The following C12orf42 variants were observed in gnomAD, a reference collection of about 807,000 sequenced individuals.
The protein encoded by C12orf42 is uncharacterized protein C12orf42.
In C12orf42, 25 loss-of-function variants were observed where a neutral mutation model predicts 21.6. The ratio of observed to expected loss-of-function variants is 1.16; its 90% CI spans 0.84 to 1.62. C12orf42 has a LOEUF of 1.62. Among genes scored for constraint, C12orf42 ranks in the 40% most tolerant of loss-of-function variants. The pLI, the probability that C12orf42 is intolerant of heterozygous loss-of-function variation, is 0.00. For synonymous variants in C12orf42, 174 were observed against 175.0 expected (o/e 0.99, Z 0.05); for missense variants, 483 against 459.3 (o/e 1.05, Z -0.47).
At chr12:103,534,636 T>C in the C12orf42 span, among the ~76,000 whole-genome samples, 2 of 152,092 alleles carry the variant, frequency 1.3e-5, no homozygotes, top group South Asian at 2.1e-4. Context: ...TACCGTATGA[T>C]TGGAGAAAAT....
intron 3 of C12orf42, among the ~76,000 whole-genome samples, chr12:103,385,403 C>T (rs897647361): frequency 6.6e-6 from 1 of 152,162 alleles, no homozygotes; most frequent in African/African-American, 2.4e-5. Flanking sequence ...TAAACACCTG[C>T]ATCTCATCAC....
chr12:103,283,124 A>T (rs2036234513), intron 4 of C12orf42, among the ~76,000 whole-genome samples: 1 of 152,166 alleles, frequency 6.6e-6, no homozygotes, highest in Non-Finnish European at 1.5e-5. Context: ...CTATTTTTTC[A>T]TATAAAACAA....
downstream of C12orf42, among the ~76,000 whole-genome samples, chr12:103,299,060 T>C (rs10860979): frequency 0.083 from 12,599 of 152,234 alleles, 517 homozygotes; most frequent in East Asian, 0.18. Flanking sequence ...CCGCAGGGTA[T>C]AAAAACTGAT....
At chr12:103,091,386 T>TAA in the C12orf42 span, among the ~76,000 whole-genome samples, 8 of 141,962 alleles carry the variant, frequency 5.6e-5, no homozygotes, top group African/African-American at 2.0e-4. Context: ...TTGCCTCAAA[T>TAA]AAAAAAAAAA....
chr12:103,315,931 C>T (rs935728529), intron 4 of C12orf42, among the ~76,000 whole-genome samples: 5 of 151,494 alleles, frequency 3.3e-5, no homozygotes, highest in Non-Finnish European at 5.9e-5. Flanking sequence ...TGGGGCCATT[C>T]CACAGGTATA....
chr12:103,443,651 A>G (rs1042997320), intron 2 of C12orf42, among the ~76,000 whole-genome samples: 2 of 152,130 alleles, frequency 1.3e-5, no homozygotes, highest in Non-Finnish European at 2.9e-5. Context: ...CAAACAAAAC[A>G]TATCTGTAAT....
chr12:103,472,164 C>G (rs1953675712), intron 2 of C12orf42, among the ~76,000 whole-genome samples: 1 of 144,584 alleles, frequency 6.9e-6, no homozygotes, highest in Non-Finnish European at 1.5e-5. Flanking sequence ...ACGCCATTCT[C>G]CTGCCTCAGC....
intron 4 of C12orf42, among the ~76,000 whole-genome samples, chr12:103,310,628 C>T (rs1217233220): frequency 3.9e-5 from 6 of 152,140 alleles, no homozygotes; most frequent in Non-Finnish European, 8.8e-5. Flanking sequence ...GAATCTTCAC[C>T]CCAGAACATG....
At chr12:103,433,572 A>G (rs185726434) in intron 2 of C12orf42, among the ~76,000 whole-genome samples, 224 of 152,366 alleles carry the variant, frequency 1.5e-3, no homozygotes, top group African/African-American at 5.1e-3. Context: ...ATGACAGGGA[A>G]TAGAAGAACA....
At chr12:103,061,143 T>G in the C12orf42 span, among the ~76,000 whole-genome samples, 1 of 152,192 alleles carries the variant, frequency 6.6e-6, no homozygotes, top group African/African-American at 2.4e-5. Flanking sequence ...CCTCTATTGA[T>G]ACCTTTTTGG....
the C12orf42 span, among the ~76,000 whole-genome samples, chr12:103,214,672 A>G: frequency 1.3e-5 from 2 of 152,344 alleles, no homozygotes; most frequent in South Asian, 4.1e-4. Flanking sequence ...AAACATCTCC[A>G]TTGCCCTTAT....
At chr12:103,074,378 A>G in the C12orf42 span, among the ~76,000 whole-genome samples, 1 of 152,190 alleles carries the variant, frequency 6.6e-6, no homozygotes, top group Non-Finnish European at 1.5e-5. Flanking sequence ...CATGGAGTAG[A>G]GTAGATAGCT....
the C12orf42 span, among the ~76,000 whole-genome samples, chr12:103,073,022 T>G: frequency 1.1e-4 from 17 of 152,278 alleles, no homozygotes; most frequent in Admixed American, 3.3e-4. Context: ...GATTATGTCC[T>G]TTGCCAGGAC....
the C12orf42 span, among the ~76,000 whole-genome samples, chr12:103,519,434 T>C: frequency 2.6e-5 from 4 of 152,182 alleles, no homozygotes; most frequent in Admixed American, 2.0e-4. Context: ...TCAATAGATA[T>C]GTTTTTACTG....
the C12orf42 span, among the ~76,000 whole-genome samples, chr12:103,108,922 T>A: frequency 6.6e-6 from 1 of 152,138 alleles, no homozygotes; most frequent in African/African-American, 2.4e-5. Context: ...TCGATAAAAT[T>A]ATAAAATTTT....
chr12:103,542,895 C>T, the C12orf42 span, among the ~76,000 whole-genome samples: 1 of 152,306 alleles, frequency 6.6e-6, no homozygotes, highest in East Asian at 1.9e-4. Flanking sequence ...GAGAAAGACA[C>T]TGAGAAGACA....
At chr12:103,056,134 T>C in the C12orf42 span, among the ~76,000 whole-genome samples, 1 of 152,144 alleles carries the variant, frequency 6.6e-6, no homozygotes, top group Non-Finnish European at 1.5e-5. Flanking sequence ...GAGGAGTATG[T>C]CGAAAGTCTC....
the C12orf42 span, among the ~76,000 whole-genome samples, chr12:103,139,782 G>A: frequency 6.6e-6 from 1 of 152,148 alleles, no homozygotes. Flanking sequence ...TACAGACAAT[G>A]CATATGCAGT....
the C12orf42 span, chr12:103,505,561 G>A: frequency 2.8e-6 from 1 of 360,450 alleles, no homozygotes; most frequent in Non-Finnish European, 5.2e-6. Flanking sequence ...ACATCTGAAT[G>A]CTGTGAGTCA....
Sources: gnomAD v4.1 joint callset for allele counts (sites outside exome capture counted in the v4.1 genomes callset) on GRCh38, gnomAD v4.1.1 for gene constraint, MANE v1.5 for transcripts, NCBI Gene and HGNC (gene_info 2026-07-23, HGNC 2026-07-21) for gene names.